C12orf42: variants seen among roughly 807,000 people sequenced by gnomAD.
C12orf42 encodes the protein chromosome 12 open reading frame 42.
Under a neutral mutation model 21.6 loss-of-function variants are expected in C12orf42, and 25 were observed. The observed-to-expected ratio is 1.16, with a 90% CI of 0.84 to 1.62. The LOEUF is 1.62. C12orf42 is among the 40% of genes most tolerant of loss of function. The probability of loss-of-function intolerance (pLI) is 0.00; values close to 1 mark genes in which losing one functional copy is unlikely to be tolerated. For synonymous variants in C12orf42, 174 were observed against 175.0 expected (o/e 0.99, Z 0.05); for missense variants, 483 against 459.3 (o/e 1.05, Z -0.47).
chr12:103,367,881 A>G (rs1261969551), intron 4 of C12orf42: 5 of 309,586 alleles, frequency 1.6e-5, no homozygotes, highest in Non-Finnish European at 3.0e-5. Flanking sequence ...AAGCCATTAT[A>G]AAATCAACTA....
At chr12:103,499,977 A>G (rs1178683476), upstream of C12orf42, among the ~76,000 whole-genome samples, 1 of 152,266 alleles carries the variant, frequency 6.6e-6, no homozygotes, top group African/African-American at 2.4e-5. Context: ...TTTTGAAAAC[A>G]GAATCCTTAA....
chr12:103,535,112 C>T, the C12orf42 span, among the ~76,000 whole-genome samples: 1 of 152,144 alleles, frequency 6.6e-6, no homozygotes, highest in East Asian at 1.9e-4. Context: ...GTGTCCTCTG[C>T]CAGAATGTGA....
At chr12:103,431,406 T>G (rs558366285) in intron 2 of C12orf42, 1 of 152,290 alleles carries the variant, frequency 6.6e-6, no homozygotes, top group South Asian at 2.1e-4. Context: ...AATTTACACT[T>G]TATAAAACAC....
the C12orf42 span, among the ~76,000 whole-genome samples, chr12:103,543,969 CTG>C: frequency 1.3e-5 from 2 of 151,262 alleles, no homozygotes; most frequent in African/African-American, 4.9e-5. Flanking sequence ...TCTCAGCTCA[CTG>C]CAAGTTCCAC....
At chr12:103,254,956 A>G (rs1204705068) in intron 10 of C12orf42, among the ~76,000 whole-genome samples, 1 of 152,218 alleles carries the variant, frequency 6.6e-6, no homozygotes, top group Non-Finnish European at 1.5e-5. Context: ...TAAATGTTTC[A>G]TGCATCCTTC....
intron 2 of C12orf42, among the ~76,000 whole-genome samples, chr12:103,438,606 A>T (rs1361818416): frequency 2.6e-5 from 4 of 151,898 alleles, no homozygotes; most frequent in Admixed American, 2.0e-4. Context: ...ATTCTTATAC[A>T]CCAACAACAG....
chr12:103,464,205 T>A (rs966715720), intron 2 of C12orf42, among the ~76,000 whole-genome samples: 1 of 152,196 alleles, frequency 6.6e-6, no homozygotes, highest in Non-Finnish European at 1.5e-5. Context: ...TGTAAAAGCC[T>A]TCCTATTTCT....
chr12:103,486,250 G>C (rs1267614471), intron 1 of C12orf42, among the ~76,000 whole-genome samples: 2 of 152,076 alleles, frequency 1.3e-5, no homozygotes, highest in Non-Finnish European at 2.9e-5. Context: ...TTTGTCATTG[G>C]TTCTGTTTAT....
At chr12:103,370,499 A>G (rs2045097086) in intron 3 of C12orf42, among the ~76,000 whole-genome samples, 1 of 152,176 alleles carries the variant, frequency 6.6e-6, no homozygotes, top group Non-Finnish European at 1.5e-5. Context: ...TCAATGTTGG[A>G]CTGGATAAAG....
At chr12:103,163,027 C>G in the C12orf42 span, 1 of 152,184 alleles carries the variant, frequency 6.6e-6, no homozygotes, top group South Asian at 2.1e-4. Context: ...AAAAATCCTT[C>G]TTTTTCCCAG....
chr12:103,179,293 A>G, the C12orf42 span, among the ~76,000 whole-genome samples: 1 of 152,212 alleles, frequency 6.6e-6, no homozygotes, highest in African/African-American at 2.4e-5. Context: ...GTTTTAAAGT[A>G]ATGTCATGAA....
chr12:103,462,258 C>T lies in C12orf42; in HGVS notation c.78+16091G>A, dbSNP rs372335169. ...GAGTAGCTGGGATTACAGGCATGCG[C>T]CACCACATCCGGCTAATTTTTTTGT... On this transcript the variant is annotated intron_variant, in intron 2 of 5. Transcript: ENST00000548883. Among the ~76,000 whole-genome samples, 158 of 151,354 alleles carry T rather than the reference C, an allele frequency of 1.0e-3. 1 individual carries two copies. Among genetic ancestry groups the T allele is most frequent in the African/African-American group, 3.3e-3 (138 of 41,286 alleles).
chr12:103,298,053 G>A (rs937810193), downstream of C12orf42, among the ~76,000 whole-genome samples: 3 of 151,936 alleles, frequency 2.0e-5, no homozygotes, highest in Non-Finnish European at 4.4e-5. Context: ...ACAAAACAGG[G>A]ATGTCCTCTC....
intron 2 of C12orf42, among the ~76,000 whole-genome samples, chr12:103,408,661 T>C (rs969242986): frequency 1.3e-5 from 2 of 152,200 alleles, no homozygotes; most frequent in Admixed American, 1.3e-4. Context: ...AGAGTAACAA[T>C]GGGAAAATGG....
chr12:103,332,504 A>AG (rs1172462608), intron 4 of C12orf42, among the ~76,000 whole-genome samples: 1 of 152,232 alleles, frequency 6.6e-6, no homozygotes, highest in Admixed American at 6.5e-5. Context: ...TAGCCACCCG[A>AG]GTCTTAGTGC....
At chr12:103,500,687 T>C (rs1955697119), upstream of C12orf42, among the ~76,000 whole-genome samples, 1 of 152,234 alleles carries the variant, frequency 6.6e-6, no homozygotes, top group Admixed American at 6.5e-5. Context: ...GGGTATTGTG[T>C]TGTGCATGTT....
intron 4 of C12orf42, among the ~76,000 whole-genome samples, chr12:103,320,980 C>G (rs1025924651): frequency 6.6e-6 from 1 of 152,146 alleles, no homozygotes; most frequent in Non-Finnish European, 1.5e-5. Context: ...TAGCATGCCA[C>G]GCTCTGTGAG....
chr12:103,352,131 G>C (rs995509220), intron 4 of C12orf42, among the ~76,000 whole-genome samples: 3 of 151,970 alleles, frequency 2.0e-5, no homozygotes, highest in African/African-American at 7.3e-5. Context: ...CTTACTCTTG[G>C]AATTTTTCCT....
intron 3 of C12orf42, among the ~76,000 whole-genome samples, chr12:103,379,696 A>G (rs570613645): frequency 6.6e-6 from 1 of 152,344 alleles, no homozygotes; most frequent in East Asian, 1.9e-4. Context: ...TAAACATCAG[A>G]GTATTACCCT....
Sources: allele counts gnomAD v4.1 joint callset (sites outside exome capture counted in the v4.1 genomes callset), GRCh38; gene constraint gnomAD v4.1.1; transcripts MANE v1.5; gene names NCBI Gene and HGNC (gene_info 2026-07-23, HGNC 2026-07-21).